Variants in C5orf46 observed in about 807,000 individuals in gnomAD.
C5orf46 encodes the protein chromosome 5 open reading frame 46, also known as uncharacterized protein C5orf46.
Under a neutral mutation model 8.9 loss-of-function variants are expected in C5orf46, and 9 were observed. The observed-to-expected ratio is 1.01, with a 90% CI of 0.61 to 1.76. The LOEUF (loss-of-function observed/expected upper bound fraction) is 1.76, where lower values mean the gene tolerates loss of function less well. C5orf46 is among the 40% of genes most tolerant of loss of function. C5orf46 has a pLI of 0.00. For synonymous variants in C5orf46, 47 were observed against 41.4 expected, an observed-to-expected ratio of 1.14 and a Z score of -0.52; for missense variants, 98 against 107.8, an observed-to-expected ratio of 0.91 and a Z score of 0.40.
At chr5:147,893,515 A>T (rs1387052639) in intron 3 of C5orf46, among the ~76,000 whole-genome samples, 3 of 151,458 alleles carry the variant, frequency 2.0e-5, no homozygotes, top group Non-Finnish European at 4.4e-5. Flanking sequence ...CGATCTCCTG[A>T]TCTCATGATT....
At chr5:147,903,331 T>C (rs1237354826) in intron 1 of C5orf46, among the ~76,000 whole-genome samples, 1 of 152,208 alleles carries the variant, frequency 6.6e-6, no homozygotes, top group Non-Finnish European at 1.5e-5. Flanking sequence ...AAAAGATCCA[T>C]GCAATAATTA....
chr5:147,903,997 G>T (rs1476702227), intron 1 of C5orf46, among the ~76,000 whole-genome samples: 1 of 152,000 alleles, frequency 6.6e-6, no homozygotes, highest in African/African-American at 2.4e-5. Context: ...ATCTGCCCAC[G>T]TCGGCCTCCT....
At chr5:147,901,511 T>C in intron 2 of C5orf46, 118 bp downstream of exon 2, 8 of 869,624 alleles carry the variant, frequency 9.2e-6, no homozygotes, top group Non-Finnish European at 1.3e-5. Context: ...CAATGAAAAA[T>C]AACACATTTA....
chr5:147,903,307 T>C (rs1393125044), intron 1 of C5orf46, among the ~76,000 whole-genome samples: 1 of 152,230 alleles, frequency 6.6e-6, no homozygotes, highest in Non-Finnish European at 1.5e-5. Flanking sequence ...ACAAATGCTT[T>C]TCTGGTACTA....
intron 2 of C5orf46, among the ~76,000 whole-genome samples, chr5:147,899,289 C>T (rs1757631594): frequency 6.6e-6 from 1 of 152,154 alleles, no homozygotes; most frequent in Non-Finnish European, 1.5e-5. Context: ...CAATCCGTGT[C>T]CCTGCTTTGT....
At chr5:147,898,921 T>C (rs922661034) in intron 2 of C5orf46, among the ~76,000 whole-genome samples, 1 of 152,140 alleles carries the variant, frequency 6.6e-6, no homozygotes, top group Non-Finnish European at 1.5e-5. Context: ...TTCAAATGCA[T>C]GTCTCTAGCA....
At position 147,895,201 on chromosome 5, in the gene C5orf46, C is replaced by T. The variant is rs140352194; in HGVS notation, c.*9+1783G>A. On this transcript the variant is annotated intron_variant, in intron 3 of 3. Coordinates refer to ENST00000318315, the MANE Select transcript of C5orf46 (RefSeq NM_206966.3). ...AGTTTAGGAGGCTGAGGTGGGCATC[C>T]AAGTGATCACTTAGATCACTTGAGG... Among the ~76,000 whole-genome samples the T allele has an allele frequency of 1.8e-3, 271 of 152,218 alleles. 1 individual carries two copies. The highest frequency in any genetic ancestry group is 6.2e-3 in the African/African-American group (256 of 41,540).
intron 2 of C5orf46, among the ~76,000 whole-genome samples, chr5:147,898,288 A>T (rs931494817): frequency 1.3e-5 from 2 of 152,170 alleles, no homozygotes; most frequent in Non-Finnish European, 2.9e-5. Context: ...TATAGGGTGC[A>T]TATACATATA....
chr5:147,892,398 T>C (rs1359624712), downstream of C5orf46, among the ~76,000 whole-genome samples: 2 of 152,214 alleles, frequency 1.3e-5, no homozygotes, highest in African/African-American at 4.8e-5. Flanking sequence ...TTTACTAGCA[T>C]AGGAGAGTGG....
chr5:147,894,971 G>A (rs1757558767), intron 3 of C5orf46, among the ~76,000 whole-genome samples: 1 of 151,674 alleles, frequency 6.6e-6, no homozygotes, highest in South Asian at 2.1e-4. Flanking sequence ...GCTGAGTCAG[G>A]AGAATCACTT....
chr5:147,902,494 A>G (rs1353789995), intron 1 of C5orf46, among the ~76,000 whole-genome samples: 1 of 152,176 alleles, frequency 6.6e-6, no homozygotes, highest in Non-Finnish European at 1.5e-5. Flanking sequence ...ATCAATGGGT[A>G]ACATTTGTTG....
At chr5:147,896,088 T>G (rs1757575972) in intron 3 of C5orf46, among the ~76,000 whole-genome samples, 2 of 152,172 alleles carry the variant, frequency 1.3e-5, no homozygotes, top group African/African-American at 2.4e-5. Context: ...GGTGTTGTAT[T>G]TCTATGAACA....
intron 1 of C5orf46, among the ~76,000 whole-genome samples, chr5:147,904,309 T>TG (rs1757717607): frequency 6.6e-6 from 1 of 152,200 alleles, no homozygotes; most frequent in South Asian, 2.1e-4. Flanking sequence ...AGAAGACAGA[T>TG]GCTCAGGAAA....
chr5:147,905,625 C>T (rs1323164467), intron 1 of C5orf46, among the ~76,000 whole-genome samples: 1 of 152,126 alleles, frequency 6.6e-6, no homozygotes, highest in Non-Finnish European at 1.5e-5. Context: ...TGCAGACAAA[C>T]AGTAAATTAA....
In C5orf46 at chr5:147,892,857, C is replaced by G. The variant is rs1757522557; in HGVS notation, c.*92G>C. 1 of 152,192 alleles carries G rather than the reference C, an allele frequency of 6.6e-6. No homozygotes were observed. Among genetic ancestry groups the G allele is most frequent in the Admixed American group, 6.5e-5 (1 of 15,278 alleles). The allele number at this position is 152,192 out of a possible 1,614,324, so 9.4% of individuals were successfully genotyped here. ...CTCGTTGGGAGTTGCTTTGAGGGCT[C>G]TGTCCTGGAGGACTTGTGGAGCCAA... On this transcript the variant is annotated 3_prime_UTR_variant, in exon 4 of 4. Transcript: ENST00000318315.
At chr5:147,892,483 G>T (rs911462203), downstream of C5orf46, among the ~76,000 whole-genome samples, 1 of 152,086 alleles carries the variant, frequency 6.6e-6, no homozygotes, top group Non-Finnish European at 1.5e-5. Context: ...ACATTTTTAG[G>T]AGTTGAGAGC....
In C5orf46 at chr5:147,906,527, GATA is replaced by G; in HGVS notation, c.-29_-27del. On this transcript the variant is annotated 5_prime_UTR_variant, in exon 1 of 4. Coordinates refer to ENST00000318315, the MANE Select transcript of C5orf46 (RefSeq NM_206966.3). ...TCTGGTAGCACGGGGTATTCGTGCA[GATA>G]AATTGTTCAGATACATGTGAAACAA... The G allele has an allele frequency of 6.4e-7, 1 of 1,559,844 alleles. No individual in the cohort carries two copies. The highest frequency in any genetic ancestry group is 8.8e-7 in the Non-Finnish European group (1 of 1,132,330).
chr5:147,897,512 T>C (rs1250002861), intron 2 of C5orf46, among the ~76,000 whole-genome samples: 1 of 152,192 alleles, frequency 6.6e-6, no homozygotes, highest in Non-Finnish European at 1.5e-5. Flanking sequence ...CATTACTAAA[T>C]GCTAGAAACA....
At chr5:147,890,661 T>C (rs1757489458), downstream of C5orf46, among the ~76,000 whole-genome samples, 1 of 152,066 alleles carries the variant, frequency 6.6e-6, no homozygotes, top group Admixed American at 6.6e-5. Flanking sequence ...GAGCAAGCCA[T>C]GTGGCCACCT....
Sources: allele counts gnomAD v4.1 joint callset (sites outside exome capture counted in the v4.1 genomes callset), GRCh38; gene constraint gnomAD v4.1.1; transcripts MANE v1.5; gene names NCBI Gene and HGNC (gene_info 2026-07-23, HGNC 2026-07-21).